Variants in CCDC57 observed in about 807,000 individuals in gnomAD.
The protein encoded by CCDC57 is coiled-coil domain containing 57, also known as coiled-coil domain-containing protein 57.
Under a neutral mutation model 118.9 loss-of-function variants are expected in CCDC57, and 118 were observed. That is an observed-to-expected ratio of 0.99 (90% CI 0.86 to 1.16). The LOEUF (loss-of-function observed/expected upper bound fraction) is 1.16. Among genes scored for constraint, CCDC57 ranks in the 50% most tolerant of loss-of-function variants. The pLI is 0.00. For synonymous variants in CCDC57, 527 were observed against 532.9 expected, an observed-to-expected ratio of 0.99 and a Z score of 0.15; for missense variants, 1,300 against 1,320.7, an observed-to-expected ratio of 0.98 and a Z score of 0.24.
exon 15 of CCDC57, chr17:82,157,873 C>G: frequency 4.4e-6 from 7 of 1,582,598 alleles, no homozygotes; most frequent in Non-Finnish European, 6.0e-6. Context: ...AGCTCCAAAA[C>G]CTCCAGGTGT....
At chr17:82,184,025 G>GCACA (rs1432239867) in intron 8 of CCDC57, 93 bp from the exon 8 acceptor site, 231 of 388,240 alleles carry the variant, frequency 5.9e-4, no homozygotes, top group East Asian at 1.9e-3. Flanking sequence ...ATGCGCGCGC[G>GCACA]CGCGCGCACA....
At chr17:82,198,870 G>A (rs1040240125) in intron 3 of CCDC57, among the ~76,000 whole-genome samples, 1 of 151,712 alleles carries the variant, frequency 6.6e-6, no homozygotes, top group Admixed American at 6.6e-5. Flanking sequence ...GCGGGCGCCT[G>A]TAGTCCCAGC....
intron 15 of CCDC57, chr17:82,157,126 G>A (rs560961001): frequency 6.5e-6 from 1 of 153,526 alleles, no homozygotes; most frequent in South Asian, 2.1e-4. Flanking sequence ...TAGGAAGAAG[G>A]GGGCCCTGCT....
At chr17:82,157,568 G>A in intron 15 of CCDC57, 180 bp downstream of exon 14, 1 of 1,432,790 alleles carries the variant, frequency 7.0e-7, no homozygotes, top group South Asian at 1.5e-5. Flanking sequence ...GGAGGAAGAA[G>A]GCGGAGGAAT....
At chr17:82,164,967 G>A (rs912268266) in intron 13 of CCDC57, among the ~76,000 whole-genome samples, 2 of 152,130 alleles carry the variant, frequency 1.3e-5, no homozygotes, top group African/African-American at 4.8e-5. Flanking sequence ...AACATTATGA[G>A]AATTGAAAAT....
chr17:82,154,219 A>C (rs1435500646), intron 15 of CCDC57: 1 of 152,382 alleles, frequency 6.6e-6, no homozygotes, highest in Admixed American at 6.5e-5. Context: ...CCTGCCTGGG[A>C]GCAGAGTGCC....
intron 11 of CCDC57, among the ~76,000 whole-genome samples, chr17:82,177,692 T>C (rs1295806373): frequency 6.6e-6 from 1 of 152,086 alleles, no homozygotes; most frequent in African/African-American, 2.4e-5. Flanking sequence ...TGGGAGAGAA[T>C]GCGCACCAGT....
chr17:82,194,621 CCT>C (rs1264703581), intron 5 of CCDC57, among the ~76,000 whole-genome samples: 1 of 152,056 alleles, frequency 6.6e-6, no homozygotes, highest in Non-Finnish European at 1.5e-5. Flanking sequence ...TCATTGACCC[CCT>C]GACAGCACTC....
intron 1 of CCDC57, among the ~76,000 whole-genome samples, chr17:82,208,584 G>C (rs1201753969): frequency 6.6e-6 from 1 of 152,102 alleles, no homozygotes; most frequent in African/African-American, 2.4e-5. Context: ...GACACTTCCT[G>C]GGACTGGAAG....
intron 19 of CCDC57, among the ~76,000 whole-genome samples, chr17:82,103,484 C>T (rs889380777): frequency 3.1e-4 from 47 of 152,332 alleles, no homozygotes; most frequent in African/African-American, 1.1e-3. Flanking sequence ...CCTCCCCCCA[C>T]CCCCCACACT....
rs750736513 is a variant in CCDC57, at chr17:82,188,292, G to A, written c.979C>T (p.Leu327Phe). The A allele has an allele frequency of 3.5e-5, 55 of 1,592,540 alleles. No individual in the cohort carries two copies. The Admixed American group carries it at 9.1e-4, about 26-fold the overall frequency. ...TCTGCCCTGCGGAGCTGCGCCTCGAGGGTCTCGCAGTGGGCCTGCAGCTCC... is the reference window on the plus strand; with the variant it reads ...TCTGCCCTGCGGAGCTGCGCCTCGAAGGTCTCGCAGTGGGCCTGCAGCTCC... Residue 327 changes from leucine to phenylalanine, a missense_variant, in exon 8 of 20, where the codon CTC becomes TTC. Physicochemically the swap from Leu to Phe is conservative, Grantham distance 22 (BLOSUM62 0). Coordinates refer to ENST00000665763, the Ensembl canonical transcript of CCDC57.
intron 19 of CCDC57, among the ~76,000 whole-genome samples, chr17:82,126,035 C>T (rs1009163316): frequency 1.3e-5 from 2 of 152,190 alleles, no homozygotes; most frequent in Non-Finnish European, 2.9e-5. Context: ...AATCCCAGCA[C>T]TCTGGGAGGC....
At chr17:82,143,587 C>T (rs2040319473) in intron 16 of CCDC57, among the ~76,000 whole-genome samples, 1 of 152,090 alleles carries the variant, frequency 6.6e-6, no homozygotes, top group Admixed American at 6.6e-5. Context: ...GTAAGATCTC[C>T]AGAAGAGATT....
rs562587809 is a variant in CCDC57 at position 82,112,799 on chromosome 17, G to A, written c.2900-10933C>T. The A allele has an allele frequency of 5.9e-5, 9 of 152,624 alleles. No homozygotes were observed. In the South Asian group the frequency reaches 6.2e-4, roughly 11 times the overall value. 9.5% of individuals were successfully genotyped at this position (152,624 alleles called of 1,614,324 possible). A position where few individuals can be genotyped will look rare whatever the true frequency, so the allele number is the denominator to read the frequency against. ...TCCAACAAGGGTGGCGGTCTTGTCC[G>A]GGATCTCGGACTCGTCCAGGGTCTC... On this transcript the variant is annotated intron_variant, in intron 19 of 19. Coordinates refer to ENST00000665763, the Ensembl canonical transcript of CCDC57.
chr17:82,188,990 G>A (rs7220639), intron 7 of CCDC57, among the ~76,000 whole-genome samples: 70,790 of 152,146 alleles, frequency 0.47, 17,261 homozygotes, highest in East Asian at 0.88. Flanking sequence ...TTAGCAGCCA[G>A]GCACAGTGGA....
intron 11 of CCDC57, among the ~76,000 whole-genome samples, chr17:82,174,619 T>C (rs926600262): frequency 6.6e-6 from 1 of 152,222 alleles, no homozygotes; most frequent in Non-Finnish European, 1.5e-5. Context: ...CAACAACGTC[T>C]GAAGTTCCCA....
intron 7 of CCDC57, among the ~76,000 whole-genome samples, chr17:82,189,304 A>G (rs540962979): frequency 1.7e-4 from 20 of 115,658 alleles, no homozygotes; most frequent in Admixed American, 8.2e-4. Flanking sequence ...TTAAATAAAT[A>G]AAAAATTTAA....
At chr17:82,202,063 G>A (rs2049059857) in intron 2 of CCDC57, 111 bp from the exon 2 acceptor site, 1 of 1,098,124 alleles carries the variant, frequency 9.1e-7, no homozygotes, top group Non-Finnish European at 1.3e-6. Flanking sequence ...GGGCACGGTG[G>A]CTCACACCTG....
intron 13 of CCDC57, among the ~76,000 whole-genome samples, chr17:82,167,403 T>A (rs936321029): frequency 9.4e-4 from 141 of 150,690 alleles, no homozygotes; most frequent in African/African-American, 3.3e-3. Context: ...CAGGCTGGAG[T>A]GCAGTGGCGC....
Sources: gnomAD v4.1 joint callset for allele counts (sites outside exome capture counted in the v4.1 genomes callset) on GRCh38, gnomAD v4.1.1 for gene constraint, MANE v1.5 for transcripts, NCBI Gene and HGNC (gene_info 2026-07-23, HGNC 2026-07-21) for gene names.